The following TMEM87B variants were observed in gnomAD, a reference collection of about 807,000 sequenced individuals.
The protein encoded by TMEM87B is transmembrane protein 87B.
TMEM87B carries 83 observed loss-of-function variants against 80.3 expected under a neutral mutation model. That is an observed-to-expected ratio of 1.03 (90% CI 0.87 to 1.24). The LOEUF (loss-of-function observed/expected upper bound fraction) is 1.24, where lower values mean the gene tolerates loss of function less well. TMEM87B is among the 50% of genes most tolerant of loss of function. The probability of loss-of-function intolerance (pLI) is 0.00; values close to 1 mark genes in which losing one functional copy is unlikely to be tolerated. For missense variants in TMEM87B, 625 were observed against 674.4 expected (o/e 0.93, Z 0.81); for synonymous variants, 219 against 230.5 (o/e 0.95, Z 0.45).
intron 13 of TMEM87B, among the ~76,000 whole-genome samples, chr2:112,097,856 A>C (rs1457989230): frequency 6.6e-6 from 1 of 151,990 alleles, no homozygotes; most frequent in Non-Finnish European, 1.5e-5. Context: ...TGTATACCCT[A>C]ACAGGAAATC....
At chr2:112,098,114 T>TTTCTATGGGTTC (rs1679527073) in intron 13 of TMEM87B, among the ~76,000 whole-genome samples, 1 of 152,106 alleles carries the variant, frequency 6.6e-6, no homozygotes, top group Non-Finnish European at 1.5e-5. Flanking sequence ...CGAGTGATGT[T>TTTCTATGGGTTC]TTCTATGGGT....
intron 16 of TMEM87B, among the ~76,000 whole-genome samples, chr2:112,107,357 CAAAA>C (rs35280651): frequency 2.4e-5 from 2 of 83,980 alleles, no homozygotes; most frequent in Admixed American, 1.4e-4. Flanking sequence ...GACTCTGTCT[CAAAA>C]AAAAAAAAAA....
chr2:112,099,389 T>A (rs1180414898), intron 14 of TMEM87B, among the ~76,000 whole-genome samples: 1 of 151,944 alleles, frequency 6.6e-6, no homozygotes, highest in Non-Finnish European at 1.5e-5. Flanking sequence ...GCTCAACTGG[T>A]AGGGATAATG....
intron 11 of TMEM87B, among the ~76,000 whole-genome samples, chr2:112,092,551 G>C (rs1679336100): frequency 6.6e-6 from 1 of 152,218 alleles, no homozygotes. Context: ...GAGGCAGGAA[G>C]GTGAGTCAGT....
chr2:112,058,725 G>T (rs1678158650), intron 1 of TMEM87B, among the ~76,000 whole-genome samples: 1 of 152,178 alleles, frequency 6.6e-6, no homozygotes, highest in Non-Finnish European at 1.5e-5. Context: ...CAGATCTGGA[G>T]GTAGAAGTAC....
chr2:112,063,162 TA>T, intron 2 of TMEM87B, among the ~76,000 whole-genome samples: 1 of 152,354 alleles, frequency 6.6e-6, no homozygotes, highest in East Asian at 1.9e-4. Flanking sequence ...TAACACATTT[TA>T]TCAGAGTTGG....
At position 112,116,083 on chromosome 2, in the gene TMEM87B, G is replaced by A. The variant is rs749735165; in HGVS notation, c.1609-1G>A. ...TACATATCTTCTTTTTTTTTCTTCAGGAAATCATGACCAGATCTGAAATGG... is the reference window on the plus strand; with the variant it reads ...TACATATCTTCTTTTTTTTTCTTCAAGAAATCATGACCAGATCTGAAATGG... On this transcript the variant is annotated splice_acceptor_variant, in intron 18 of 18. Coordinates refer to ENST00000283206, the MANE Select transcript of TMEM87B (RefSeq NM_032824.3). LOFTEE classifies it high-confidence loss of function. 4 of 1,606,282 alleles carry A rather than the reference G, an allele frequency of 2.5e-6. No individual in the cohort carries two copies. Among genetic ancestry groups the A allele is most frequent in the Non-Finnish European group, 3.4e-6 (4 of 1,177,610 alleles).
intron 11 of TMEM87B, among the ~76,000 whole-genome samples, chr2:112,094,928 G>GA (rs919286649): frequency 8.4e-4 from 121 of 144,660 alleles, no homozygotes; most frequent in African/African-American, 2.5e-3. Context: ...TAAATGACAA[G>GA]AAAAAAAAAA....
chr2:112,107,968 A>G, intron 17 of TMEM87B, 128 bp downstream of exon 17: 1 of 490,766 alleles, frequency 2.0e-6, no homozygotes, highest in Non-Finnish European at 3.7e-6. Context: ...CCCTATCACC[A>G]GTACATGGCC....
At chr2:112,063,972 T>G (rs930392369) in intron 2 of TMEM87B, among the ~76,000 whole-genome samples, 190 bp from the exon 3 acceptor site, 9 of 152,270 alleles carry the variant, frequency 5.9e-5, no homozygotes, top group Non-Finnish European at 1.3e-4. Flanking sequence ...TTACAGCAGC[T>G]TTTGGTTAAC....
chr2:112,083,978 G>C (rs1045230533), intron 8 of TMEM87B, among the ~76,000 whole-genome samples: 2 of 152,188 alleles, frequency 1.3e-5, no homozygotes, highest in Non-Finnish European at 2.9e-5. Context: ...TGATGATCTT[G>C]AACTTAGGTT....
At chr2:112,096,127 C>A (rs1212084969) in intron 11 of TMEM87B, among the ~76,000 whole-genome samples, 1 of 152,072 alleles carries the variant, frequency 6.6e-6, no homozygotes, top group East Asian at 1.9e-4. Flanking sequence ...TATGACAAGG[C>A]CGGGCACAGA....
intron 9 of TMEM87B, among the ~76,000 whole-genome samples, chr2:112,087,503 G>C (rs1679183041): frequency 6.6e-6 from 1 of 151,616 alleles, no homozygotes; most frequent in Non-Finnish European, 1.5e-5. Context: ...CCCAGACCCT[G>C]TCATTTCCCC....
At chr2:112,099,288 T>C (rs1036275617) in intron 14 of TMEM87B, among the ~76,000 whole-genome samples, 2 of 152,088 alleles carry the variant, frequency 1.3e-5, no homozygotes, top group Non-Finnish European at 2.9e-5. Flanking sequence ...TCCAGAATGC[T>C]ACAAAATCCA....
rs1293338873 is a variant in TMEM87B at position 112,112,948 on chromosome 2, TA to T, written c.1608+20del. 6.2e-7 allele frequency: 1 copy of T among 1,609,462 alleles called. No individual in the cohort carries two copies. Among genetic ancestry groups the T allele is most frequent in the Non-Finnish European group, 8.5e-7 (1 of 1,176,644 alleles). ...AGATGAGGTAAAATATATTTTTGCA[TA>T]TTTCCTTGGAGCTGATATTTTCACA... On this transcript the variant is annotated intron_variant, in intron 18 of 18. Transcript: ENST00000283206.
chr2:112,103,969 A>G (rs1006642286), intron 15 of TMEM87B, among the ~76,000 whole-genome samples: 1 of 152,188 alleles, frequency 6.6e-6, no homozygotes, highest in African/African-American at 2.4e-5. Flanking sequence ...GATTTTTGAC[A>G]AAGGCACCAA....
Position 112,097,060 on chromosome 2 carries a change from C to G in TMEM87B, c.1121C>G (p.Ala374Gly). Residue 374 changes from alanine to glycine, a missense_variant, in exon 12 of 19, where the codon GCA (alanine) becomes GGA (glycine). Physicochemically the swap from Ala to Gly is moderately conservative, Grantham distance 60 (BLOSUM62 0). Coordinates refer to ENST00000283206, the MANE Select transcript of TMEM87B (RefSeq NM_032824.3). ...TTTTTTCACATTTTTATTAGTTTGGCACAAACTATGAAGACCCTAAGGCTA... is the reference window on the plus strand; with the variant it reads ...TTTTTTCACATTTTTATTAGTTTGGGACAAACTATGAAGACCCTAAGGCTA... The part of the protein sequence containing the change: ...IFVWFIFISL[A>G]QTMKTLRLRK... 6.3e-7 allele frequency: 1 copy of G among 1,590,064 alleles called. No homozygotes were observed. The highest frequency in any genetic ancestry group is 8.5e-7 in the Non-Finnish European group (1 of 1,171,564).
Position 112,091,788 on chromosome 2 carries a change from C to T in TMEM87B, c.1104+5C>T. 2 of 1,594,852 alleles carry T rather than the reference C, an allele frequency of 1.3e-6. No homozygotes were observed. Among genetic ancestry groups the T allele is most frequent in the East Asian group, 4.5e-5 (2 of 44,714 alleles). Reference sequence around the variant, plus strand: ...GACTCCATTTTTGTGTGGTTCATATCCTTTACTGTGTCCTTCAAAATAGTT... The same window carrying T: ...GACTCCATTTTTGTGTGGTTCATATTCTTTACTGTGTCCTTCAAAATAGTT... On this transcript the variant is annotated splice_donor_5th_base_variant and intron_variant, in intron 11 of 18. Coordinates refer to ENST00000283206, the MANE Select transcript of TMEM87B (RefSeq NM_032824.3).
At chr2:112,062,073 T>TA (rs1678275006) in intron 2 of TMEM87B, among the ~76,000 whole-genome samples, 1 of 152,242 alleles carries the variant, frequency 6.6e-6, no homozygotes, top group South Asian at 2.1e-4. Context: ...TGTAAGTGAG[T>TA]AATTGAGTAT....
Sources: gnomAD v4.1 joint callset for allele counts (sites outside exome capture counted in the v4.1 genomes callset) on GRCh38, gnomAD v4.1.1 for gene constraint, MANE v1.5 for transcripts, NCBI Gene and HGNC (gene_info 2026-07-23, HGNC 2026-07-21) for gene names.